The following LINGO2 variants were observed in gnomAD, a reference collection of about 807,000 sequenced individuals.
The protein encoded by LINGO2 is leucine rich repeat and Ig domain containing 2.
LINGO2 carries 14 observed loss-of-function variants against 30.6 expected under a neutral mutation model. The observed-to-expected ratio is 0.46, with a 90% confidence interval of 0.30 to 0.72. LINGO2 has a LOEUF of 0.72. Ranked by LOEUF, LINGO2 falls within the 30% of genes least tolerant of loss-of-function variation. The pLI, the probability that LINGO2 is intolerant of heterozygous loss-of-function variation, is 0.07. For missense variants in LINGO2, 729 were observed against 751.7 expected (o/e 0.97, Z 0.35); for synonymous variants, 317 against 288.5 (o/e 1.10, Z -1.00).
intron 4 of LINGO2, among the ~76,000 whole-genome samples, chr9:28,063,209 G>T (rs1055680759): frequency 1.3e-5 from 2 of 152,114 alleles, no homozygotes; most frequent in African/African-American, 4.8e-5. Flanking sequence ...ACAGAAGAAT[G>T]TAATAAATAT....
exon 6 of LINGO2, chr9:27,949,154 A>G: frequency 6.2e-7 from 1 of 1,614,128 alleles, no homozygotes; most frequent in Non-Finnish European, 8.5e-7. Context: ...AAAGAAAACG[A>G]TCTGAAGCGA....
the LINGO2 span, among the ~76,000 whole-genome samples, chr9:28,994,420 T>C: frequency 6.6e-6 from 1 of 151,844 alleles, no homozygotes; most frequent in South Asian, 2.1e-4. Context: ...GAAGAATCAA[T>C]ATCGTGAAAA....
intron 2 of LINGO2, among the ~76,000 whole-genome samples, chr9:28,400,770 C>A (rs1822230813): frequency 6.6e-6 from 1 of 151,970 alleles, no homozygotes; most frequent in African/African-American, 2.4e-5. Flanking sequence ...AAAACATTAA[C>A]AAAAGATGAA....
intron 4 of LINGO2, among the ~76,000 whole-genome samples, chr9:28,233,102 G>A (rs1821430958): frequency 7.1e-6 from 1 of 141,762 alleles, no homozygotes; most frequent in Non-Finnish European, 1.5e-5. Context: ...TTAAATATAT[G>A]TGTGTGGGGG....
At chr9:28,600,144 A>C (rs12348435) in intron 1 of LINGO2, among the ~76,000 whole-genome samples, 12,488 of 152,214 alleles carry the variant, frequency 0.082, 733 homozygotes, top group African/African-American at 0.16. Context: ...ATTGGTGTAC[A>C]TTTTCCAAGA....
intron 4 of LINGO2, among the ~76,000 whole-genome samples, chr9:28,178,175 C>T (rs550417867): frequency 9.9e-5 from 15 of 152,194 alleles, no homozygotes; most frequent in Middle Eastern, 6.8e-3. Flanking sequence ...TGCCTGACAC[C>T]TCAGGGCATA....
chr9:29,105,373 T>G, the LINGO2 span, among the ~76,000 whole-genome samples: 1 of 152,204 alleles, frequency 6.6e-6, no homozygotes, highest in Non-Finnish European at 1.5e-5. Flanking sequence ...TCTGAATGTA[T>G]GCTCATGTCA....
intron 4 of LINGO2, among the ~76,000 whole-genome samples, chr9:28,039,818 G>A (rs1364701396): frequency 6.6e-6 from 1 of 152,086 alleles, no homozygotes; most frequent in Non-Finnish European, 1.5e-5. Context: ...CCTCCCTTAC[G>A]TGGTGTTAGG....
intron 4 of LINGO2, among the ~76,000 whole-genome samples, chr9:28,172,037 A>AAAC (rs1554682055): frequency 3.7e-5 from 5 of 136,694 alleles, no homozygotes; most frequent in African/African-American, 1.4e-4. Context: ...AAAAAAACAA[A>AAAC]AAAAAAAACC....
At chr9:28,919,782 A>T in the LINGO2 span, among the ~76,000 whole-genome samples, 2 of 152,192 alleles carry the variant, frequency 1.3e-5, no homozygotes, top group Non-Finnish European at 2.9e-5. Flanking sequence ...AATGAAAACA[A>T]AAAGGGAAAA....
intron 3 of LINGO2, among the ~76,000 whole-genome samples, chr9:28,361,976 G>A (rs1820464621): frequency 1.3e-5 from 2 of 152,176 alleles, no homozygotes. Context: ...TATGCCCGCT[G>A]CACCACATAG....
the LINGO2 span, among the ~76,000 whole-genome samples, chr9:28,836,902 T>C: frequency 1.3e-5 from 2 of 152,192 alleles, no homozygotes; most frequent in African/African-American, 4.8e-5. Context: ...ACATTGCAAT[T>C]CTATTTAATA....
intron 4 of LINGO2, among the ~76,000 whole-genome samples, chr9:28,200,355 AG>A (rs895063080): frequency 6.6e-6 from 1 of 152,160 alleles, no homozygotes; most frequent in African/African-American, 2.4e-5. Context: ...GGGAAAAAAA[AG>A]CCTCCAAATT....
At chr9:29,182,944 A>T in the LINGO2 span, among the ~76,000 whole-genome samples, 1 of 152,232 alleles carries the variant, frequency 6.6e-6, no homozygotes, top group Non-Finnish European at 1.5e-5. Context: ...TCATATCTCA[A>T]TGAATAGTGA....
intron 3 of LINGO2, among the ~76,000 whole-genome samples, chr9:28,303,519 G>T (rs774698766): frequency 2.6e-5 from 4 of 152,050 alleles, no homozygotes; most frequent in Non-Finnish European, 4.4e-5. Context: ...GAAAATTTGT[G>T]TACAATATTT....
chr9:28,196,916 G>C (rs180706728), intron 4 of LINGO2, among the ~76,000 whole-genome samples: 7 of 152,012 alleles, frequency 4.6e-5, no homozygotes, highest in Non-Finnish European at 1.0e-4. Flanking sequence ...GGGGATTGGA[G>C]GATAAAGTGG....
the LINGO2 span, among the ~76,000 whole-genome samples, chr9:29,007,728 C>A: frequency 6.6e-6 from 1 of 152,014 alleles, no homozygotes; most frequent in East Asian, 1.9e-4. Context: ...AGCTGGATGG[C>A]AGAAAATAAG....
chr9:28,617,928 T>C (rs1826213729), intron 1 of LINGO2, among the ~76,000 whole-genome samples: 3 of 152,172 alleles, frequency 2.0e-5, no homozygotes, highest in Admixed American at 6.5e-5. Flanking sequence ...GGTATAAATA[T>C]ACTCATTTAT....
chr9:28,572,398 G>C (rs746816732), intron 1 of LINGO2, among the ~76,000 whole-genome samples: 2 of 152,018 alleles, frequency 1.3e-5, no homozygotes, highest in Admixed American at 6.6e-5. Flanking sequence ...CATGTACAAA[G>C]TTACTCTTCC....
Sources: gnomAD v4.1 joint callset for allele counts (sites outside exome capture counted in the v4.1 genomes callset) on GRCh38, gnomAD v4.1.1 for gene constraint, MANE v1.5 for transcripts, NCBI Gene and HGNC (gene_info 2026-07-23, HGNC 2026-07-21) for gene names.